The following PWWP3B variants were observed in gnomAD, a reference collection of about 807,000 sequenced individuals.
PWWP3B encodes the protein PWWP domain containing 3B.
PWWP3B carries 5 observed loss-of-function variants against 15.7 expected under a neutral mutation model. The ratio of observed to expected loss-of-function variants is 0.32; its 90% CI spans 0.17 to 0.67. PWWP3B has a LOEUF of 0.67. Ranked by LOEUF, PWWP3B falls within the 30% of genes least tolerant of loss-of-function variation. The probability of loss-of-function intolerance (pLI) is 0.74; values close to 1 mark genes in which losing one functional copy is unlikely to be tolerated. For missense variants in PWWP3B, 519 were observed against 493.1 expected (o/e 1.05, Z -0.50); for synonymous variants, 203 against 179.8 (o/e 1.13, Z -1.03).
chrX:106,173,916 G>C (rs1921754051), intron 2 of PWWP3B, among the ~76,000 whole-genome samples: 1 of 111,285 alleles, frequency 9.0e-6, no homozygotes, highest in Non-Finnish European at 1.9e-5. Flanking sequence ...AGCTAATAAA[G>C]GTTTCAAACC....
intron 2 of PWWP3B, among the ~76,000 whole-genome samples, chrX:106,178,934 A>G (rs1438849851): frequency 8.9e-6 from 1 of 111,932 alleles, no homozygotes; most frequent in African/African-American, 3.2e-5. Flanking sequence ...GTAATGCATA[A>G]CAAAACTAAA....
At chrX:106,189,559 T>C (rs1282805528) in intron 2 of PWWP3B, among the ~76,000 whole-genome samples, 92 of 110,544 alleles carry the variant, frequency 8.3e-4, no homozygotes, top group Non-Finnish European at 1.4e-3. Flanking sequence ...GGACATGAAC[T>C]CATCATTTTT....
At chrX:106,196,661 T>G (rs1648881351) in intron 2 of PWWP3B, among the ~76,000 whole-genome samples, 1 of 112,106 alleles carries the variant, frequency 8.9e-6, no homozygotes. Flanking sequence ...CATAATGTAT[T>G]ATTCTTTTTC....
At chrX:106,175,236 CTTT>C (rs1218589426) in intron 2 of PWWP3B, among the ~76,000 whole-genome samples, 1 of 73,149 alleles carries the variant, frequency 1.4e-5, no homozygotes. Context: ...GGGGTTATTT[CTTT>C]TTTTTTTTTT....
chrX:106,180,143 G>T (rs765470149), intron 2 of PWWP3B, among the ~76,000 whole-genome samples: 54 of 111,349 alleles, frequency 4.8e-4, no homozygotes, highest in African/African-American at 1.6e-3. Context: ...TAGCTTAGAA[G>T]AGTCTAAAAA....
chrX:106,168,922 T>C (rs1921471689), intron 1 of PWWP3B, among the ~76,000 whole-genome samples: 1 of 112,049 alleles, frequency 8.9e-6, no homozygotes, highest in Non-Finnish European at 1.9e-5. Flanking sequence ...CTTAATATAA[T>C]AGCTTTTTAA....
At chrX:106,186,544 T>C (rs1397111595) in intron 2 of PWWP3B, among the ~76,000 whole-genome samples, 1 of 111,424 alleles carries the variant, frequency 9.0e-6, no homozygotes, top group Non-Finnish European at 1.9e-5. Flanking sequence ...TGATAGGTGA[T>C]AGTCCCTTCG....
chrX:106,205,685 G>T lies in PWWP3B; in HGVS notation c.253G>T (p.Ala85Ser). 1.7e-6 allele frequency: 2 copies of T among 1,211,500 alleles called. No homozygotes were observed. The highest frequency in any genetic ancestry group is 2.2e-6 in the Non-Finnish European group (2 of 895,335). Residue 85 changes from alanine to serine, a missense_variant, in exon 4 of 4, where the codon GCC becomes TCC. By Grantham distance (99) the Ala-to-Ser change is moderately conservative (BLOSUM62 1). Coordinates refer to ENST00000357175, the MANE Select transcript of PWWP3B (RefSeq NM_001171020.2). ...CAGTGCTCCACCTACAGAGGAAACT[G>T]CCTATGGAAGATCACTAAAAGTGGC... Reference protein sequence around the residue: ...EDSAPPTEETAYGRSLKVALG... With the variant: ...EDSAPPTEETSYGRSLKVALG...
rs187754315 is a variant in PWWP3B, at chrX:106,203,174, A to T, written c.-400-811A>T. Among the ~76,000 whole-genome samples, 811 of 111,967 alleles carry T rather than the reference A, an allele frequency of 7.2e-3. 4 individuals are homozygous for T. The highest frequency in any genetic ancestry group is 0.013 in the Non-Finnish European group (688 of 53,186). On this transcript the variant is annotated intron_variant, in intron 2 of 3. Transcript: ENST00000357175. Reference sequence around the variant, plus strand: ...TACATTTATCTTTATATGTAAAAAAACTTCTAGAAATACATATAGTAAATA... The same window carrying T: ...TACATTTATCTTTATATGTAAAAAATCTTCTAGAAATACATATAGTAAATA...
chrX:106,194,795 C>T (rs1247813626), intron 2 of PWWP3B, among the ~76,000 whole-genome samples: 1 of 112,038 alleles, frequency 8.9e-6, no homozygotes, highest in Non-Finnish European at 1.9e-5. Flanking sequence ...TTGGAGTTTG[C>T]TAGAGGTCCA....
intron 2 of PWWP3B, among the ~76,000 whole-genome samples, chrX:106,175,218 C>T (rs1457725109): frequency 1.9e-5 from 2 of 105,837 alleles, no homozygotes; most frequent in East Asian, 5.9e-4. Context: ...CTAAGCAACA[C>T]TCACGCTGGG....
At chrX:106,175,300 G>A (rs1602822224) in intron 2 of PWWP3B, among the ~76,000 whole-genome samples, 1 of 95,796 alleles carries the variant, frequency 1.0e-5, no homozygotes, top group East Asian at 3.4e-4. Context: ...GAGTGCACTG[G>A]CGCGATCTCG....
rs1224553974 is a variant in PWWP3B at position 106,208,838 on chromosome X, C to CA, written c.*1315_*1316insA. ...GCTTAACATGAAACTGTCTGCATTT[C>CA]TACCTGTTAGACAATGGTTGCTCTT... On this transcript the variant is annotated 3_prime_UTR_variant, in exon 4 of 4. Transcript: ENST00000357175. 8.1e-6 allele frequency: 1 copy of CA among 123,613 alleles called. No individual in the cohort carries two copies. The highest frequency in any genetic ancestry group is 1.9e-5 in the Non-Finnish European group (1 of 53,363). 10.2% of individuals were successfully genotyped at this position (123,613 alleles called of 1,213,427 possible). A position where few individuals can be genotyped will look rare whatever the true frequency, so the allele number is the denominator to read the frequency against.
rs942244991 is a variant in PWWP3B, at chrX:106,175,888, A to C, written c.-401+4749A>C. On this transcript the variant is annotated intron_variant, in intron 2 of 3. Coordinates refer to ENST00000357175, the MANE Select transcript of PWWP3B (RefSeq NM_001171020.2). ...TGAATATCTTTTATGTATTAGTTTT[A>C]ATCTTTATTTTGAATATTTGGGTTT... is the stretch of plus-strand genomic sequence containing the variant. Among the ~76,000 whole-genome samples, 10 of 111,070 alleles carry C rather than the reference A, an allele frequency of 9.0e-5. No homozygotes were observed. In the East Asian group the frequency reaches 1.1e-3, roughly 13 times the overall value.
chrX:106,196,923 A>T (rs759243343), intron 2 of PWWP3B, among the ~76,000 whole-genome samples: 76 of 110,874 alleles, frequency 6.9e-4, no homozygotes, highest in African/African-American at 2.1e-3. Context: ...ACGATTTTCC[A>T]CTCTAAATTT....
At chrX:106,192,796 T>C (rs1364089717) in intron 2 of PWWP3B, among the ~76,000 whole-genome samples, 1 of 111,165 alleles carries the variant, frequency 9.0e-6, no homozygotes, top group East Asian at 2.8e-4. Flanking sequence ...CATTTCATTA[T>C]GTACCCAGTA....
Position 106,208,609 on chromosome X carries a change from C to T in PWWP3B, c.*1086C>T, listed in dbSNP as rs1202885699. The T allele has an allele frequency of 8.1e-6, 1 of 123,811 alleles. No homozygotes were observed. Among genetic ancestry groups the T allele is most frequent in the Admixed American group, 9.4e-5 (1 of 10,615 alleles). The allele number at this position is 123,811 out of a possible 1,213,427, so 10.2% of individuals were successfully genotyped here. On this transcript the variant is annotated 3_prime_UTR_variant, in exon 4 of 4. Coordinates refer to ENST00000357175, the MANE Select transcript of PWWP3B (RefSeq NM_001171020.2). ...AAACTGCTTGAAGGAGTAGATGAACCAGAATCTGAGAATTTGGAAATAGGT... is the reference window on the plus strand; with the variant it reads ...AAACTGCTTGAAGGAGTAGATGAACTAGAATCTGAGAATTTGGAAATAGGT...
At chrX:106,192,485 A>C (rs1379937664) in intron 2 of PWWP3B, among the ~76,000 whole-genome samples, 1 of 111,310 alleles carries the variant, frequency 9.0e-6, no homozygotes, top group Non-Finnish European at 1.9e-5. Context: ...ATCTTTTCAA[A>C]AAACCAGCTC....
At chrX:106,194,568 G>A (rs746804682) in intron 2 of PWWP3B, among the ~76,000 whole-genome samples, 2 of 112,067 alleles carry the variant, frequency 1.8e-5, no homozygotes, top group African/African-American at 6.5e-5. Flanking sequence ...GTCCAGCTTT[G>A]TTCCATTGCT....
Sources: allele counts gnomAD v4.1 joint callset (sites outside exome capture counted in the v4.1 genomes callset), GRCh38; gene constraint gnomAD v4.1.1; transcripts MANE v1.5; gene names NCBI Gene and HGNC (gene_info 2026-07-23, HGNC 2026-07-21).